NFATC2: variants seen among roughly 807,000 people sequenced by gnomAD.
The protein encoded by NFATC2 is nuclear factor of activated T cells 2.
A neutral mutation model predicts 87.3 loss-of-function variants in NFATC2; 22 were observed. That is an observed-to-expected ratio of 0.25 (90% confidence interval 0.18 to 0.36). NFATC2 has a LOEUF of 0.36. NFATC2 is among the 10% of genes least tolerant of loss of function. NFATC2 has a pLI of 1.00. For missense variants in NFATC2, 1,149 were observed against 1,259.1 expected (o/e 0.91, Z 1.32); for synonymous variants, 565 against 542.2 (o/e 1.04, Z -0.58).
At chr20:51,416,027 C>T (rs924653401) in intron 9 of NFATC2, among the ~76,000 whole-genome samples, 9 of 151,820 alleles carry the variant, frequency 5.9e-5, no homozygotes, top group African/African-American at 1.7e-4. Flanking sequence ...TTTGGGAGGC[C>T]GAGGTGGGTG....
rs1982926667 is a variant in NFATC2, at chr20:51,432,610, G to A, written c.2179C>T (p.Pro727Ser). Residue 727 changes from proline (P) to serine (S), a missense_variant, in exon 9 of 11, where the codon CCC becomes TCC. This residue lies in a region of NFATC2 where 581 missense variants were observed against 649.7 expected (regional missense o/e 0.89). Transcript: ENST00000371564. The surrounding 1 kb of genome is among the most constrained non-coding windows in gnomAD (Gnocchi z 4.6). ...AGCCCCGTGCGGAACTGCTGGCAGG[G>A]AGCCATGGTGGCCACGAGGCAGGAG... ...SPSCLVATMA[P>S]CQQFRTGLSS... 6.5e-7 allele frequency: 1 copy of A among 1,530,030 alleles called. No homozygotes were observed. The highest frequency in any genetic ancestry group is 8.8e-7 in the Non-Finnish European group (1 of 1,139,718). The allele number at this position is 1,530,030 out of a possible 1,614,324, so 94.8% of individuals were successfully genotyped here.
In NFATC2 at chr20:51,538,514, G is replaced by A. The variant is rs543256333; in HGVS notation, c.130+3856C>T. On this transcript the variant is annotated intron_variant, in intron 1 of 10. Transcript: ENST00000371564. ...TTCACTATCATGTAACACTCTACTG[G>A]AGGTATTAGTTAATGCAATTAGACA... is the stretch of plus-strand genomic sequence containing the variant. Among the ~76,000 whole-genome samples the A allele has an allele frequency of 1.1e-4, 17 of 152,268 alleles. No homozygotes were observed. In the South Asian group the frequency reaches 3.5e-3, roughly 32 times the overall value.
chr20:51,468,990 A>T (rs1987951242), intron 5 of NFATC2, among the ~76,000 whole-genome samples: 1 of 151,692 alleles, frequency 6.6e-6, no homozygotes. Context: ...CTGACAACCA[A>T]ATCAGAGTCT....
At chr20:51,430,309 G>A (rs1418168641) in intron 9 of NFATC2, among the ~76,000 whole-genome samples, 1 of 152,168 alleles carries the variant, frequency 6.6e-6, no homozygotes, top group Non-Finnish European at 1.5e-5. Flanking sequence ...AGAGGGATCT[G>A]GTTACGACCA....
chr20:51,416,030 G>T (rs1979995373), intron 9 of NFATC2, among the ~76,000 whole-genome samples: 2 of 152,122 alleles, frequency 1.3e-5, no homozygotes, highest in Admixed American at 6.5e-5. Context: ...GGGAGGCCGA[G>T]GTGGGTGGAT....
chr20:51,537,923 A>C (rs759950796), intron 1 of NFATC2, among the ~76,000 whole-genome samples: 8 of 152,216 alleles, frequency 5.3e-5, no homozygotes, highest in Non-Finnish European at 1.2e-4. Flanking sequence ...CCAGAAAGAT[A>C]GAGTTTACAA....
intron 2 of NFATC2, among the ~76,000 whole-genome samples, chr20:51,521,480 C>T (rs906820785): frequency 6.6e-6 from 1 of 152,296 alleles, no homozygotes; most frequent in East Asian, 1.9e-4. Context: ...ACCACCACAC[C>T]CAGCTATTTT....
chr20:51,507,421 C>T (rs2076202674), intron 3 of NFATC2, among the ~76,000 whole-genome samples: 1 of 152,190 alleles, frequency 6.6e-6, no homozygotes, highest in Admixed American at 6.5e-5. Context: ...AAAGCTGGAA[C>T]AGGCTCAGGA....
chr20:51,468,188 G>A (rs997642624), intron 5 of NFATC2, among the ~76,000 whole-genome samples: 3 of 152,202 alleles, frequency 2.0e-5, no homozygotes, highest in African/African-American at 7.2e-5. Flanking sequence ...TGGCTGAAGG[G>A]ACATGGGGAA....
intron 3 of NFATC2, among the ~76,000 whole-genome samples, chr20:51,508,598 C>T (rs2076223259): frequency 6.6e-6 from 1 of 152,122 alleles, no homozygotes; most frequent in South Asian, 2.1e-4. Flanking sequence ...CTACTCCCCA[C>T]CCCATCCCCG....
upstream of NFATC2, chr20:51,562,798 G>GTCGGCGCGGCTCCGCGAT: frequency 1.7e-6 from 1 of 580,028 alleles, no homozygotes; most frequent in Non-Finnish European, 3.0e-6. The surrounding 1 kb of genome is among the most constrained non-coding windows in gnomAD (Gnocchi z 5.8). Context: ...GCTCGGCGGA[G>GTCGGCGCGGCTCCGCGAT]TCGGCGCGGC....
chr20:51,544,649 T>C (rs1008017772), upstream of NFATC2, among the ~76,000 whole-genome samples: 6 of 152,194 alleles, frequency 3.9e-5, no homozygotes, highest in Admixed American at 1.3e-4. Context: ...AAAATTGCAC[T>C]CAGACCAGTG....
intron 3 of NFATC2, among the ~76,000 whole-genome samples, chr20:51,512,390 C>T (rs1030569221): frequency 6.6e-6 from 1 of 152,190 alleles, no homozygotes; most frequent in Non-Finnish European, 1.5e-5. Flanking sequence ...CCATCCTAGT[C>T]CACTTTCCCG....
At chr20:51,461,321 C>T (rs768950255) in intron 5 of NFATC2, among the ~76,000 whole-genome samples, 6 of 152,194 alleles carry the variant, frequency 3.9e-5, no homozygotes, top group Non-Finnish European at 2.9e-5. Context: ...CAATCCAAAC[C>T]GCACAGCCTG....
chr20:51,557,432 C>G (rs1371530939), intron 1 of NFATC2, among the ~76,000 whole-genome samples: 2 of 152,146 alleles, frequency 1.3e-5, no homozygotes, highest in African/African-American at 4.8e-5. Flanking sequence ...ACATGAAAGG[C>G]CTTGGCATGG....
intron 1 of NFATC2, among the ~76,000 whole-genome samples, chr20:51,528,085 CAAAAAA>C (rs56201141): frequency 6.4e-5 from 6 of 94,248 alleles, no homozygotes; most frequent in Admixed American, 1.1e-4. Context: ...GAACCTGTCC[CAAAAAA>C]AAAAAAAAAA....
At chr20:51,543,465 G>T (rs2076857579), upstream of NFATC2, among the ~76,000 whole-genome samples, 1 of 152,252 alleles carries the variant, frequency 6.6e-6, no homozygotes, top group African/African-American at 2.4e-5. Context: ...CTCTGAGGAG[G>T]TGACATTTGA....
chr20:51,540,651 T>TTTTTTTTTTTTTTTTTTTA (rs1303738768), intron 1 of NFATC2, among the ~76,000 whole-genome samples: 1 of 126,568 alleles, frequency 7.9e-6, no homozygotes, highest in Non-Finnish European at 1.6e-5. Flanking sequence ...ACTGAAGTTT[T>TTTTTTTTTTTTTTTTTTTA]TTTTTTGTTT....
intron 3 of NFATC2, among the ~76,000 whole-genome samples, chr20:51,509,095 C>G (rs1217190426): frequency 6.6e-6 from 1 of 152,092 alleles, no homozygotes; most frequent in Non-Finnish European, 1.5e-5. Context: ...CAACTCAGCC[C>G]TGCTCTCTCC....
Sources: allele counts gnomAD v4.1 joint callset (sites outside exome capture counted in the v4.1 genomes callset), GRCh38; gene constraint gnomAD v4.1.1; regional missense constraint gnomAD v4.1.1; non-coding constraint Gnocchi (gnomAD v3.1); transcripts MANE v1.5; gene names NCBI Gene and HGNC (gene_info 2026-07-23, HGNC 2026-07-21).